GIT1: variants seen among roughly 807,000 people sequenced by gnomAD.
GIT1 encodes ARF GTPase-activating protein GIT1.
A neutral mutation model predicts 91.7 loss-of-function variants in GIT1; 14 were observed. The observed-to-expected ratio is 0.15, with a 90% CI of 0.10 to 0.24. The LOEUF is 0.24. GIT1 is among the 10% of genes least tolerant of loss of function. The pLI is 1.00. For missense variants in GIT1, 717 were observed against 1,024.9 expected (o/e 0.70, Z 4.10); for synonymous variants, 414 against 418.2 (o/e 0.99, Z 0.12).
intron 8 of GIT1, 98 bp from the exon 9 acceptor site, chr17:29,578,469 C>G (rs915160796): frequency 9.1e-7 from 1 of 1,099,768 alleles, no homozygotes; most frequent in African/African-American, 1.5e-5. Context: ...AACCGGTGGC[C>G]TTCCTTGTGC....
chr17:29,575,247 A>G lies in GIT1; in HGVS notation c.2009+41T>C, dbSNP rs145908069. ...GCTCTCTGCAACACCCTAGAAGCCA[A>G]CAGGAACTGCATCCCCCTCACCTCC... is the stretch of plus-strand genomic sequence containing the variant. On this transcript the variant is annotated intron_variant, in intron 18 of 19. Transcript: ENST00000225394. The surrounding 1 kb of genome is among the most constrained non-coding windows in gnomAD (Gnocchi z 5.5). 2.5e-4 allele frequency: 389 copies of G among 1,584,602 alleles called. 3 individuals carry two copies. The African/African-American group carries it at 4.6e-3, about 19-fold the overall frequency.
At chr17:29,584,719 C>T (rs753149571) in intron 1 of GIT1, among the ~76,000 whole-genome samples, 4 of 152,176 alleles carry the variant, frequency 2.6e-5, no homozygotes, top group Non-Finnish European at 2.9e-5. Flanking sequence ...TGCCCTGTAG[C>T]GCTCAGGGTG....
rs1435876831 is a variant in GIT1, at chr17:29,575,040, A to G, written c.2073+39T>C. On this transcript the variant is annotated intron_variant, in intron 19 of 19. Coordinates refer to ENST00000225394, the MANE Select transcript of GIT1 (RefSeq NM_014030.4). The surrounding 1 kb of genome is among the most constrained non-coding windows in gnomAD (Gnocchi z 5.5). ...GATTCTCCACGCCTGCCCCAGCTCG[A>G]GGCCCTCCCACTCCTGGTCCTCTCT... 22 of 1,525,592 alleles carry G rather than the reference A, an allele frequency of 1.4e-5. No homozygotes were observed. The highest frequency in any genetic ancestry group is 1.8e-5 in the Non-Finnish European group (20 of 1,118,792). 94.5% of individuals were successfully genotyped at this position (1,525,592 alleles called of 1,614,324 possible). A position where few individuals can be genotyped will look rare whatever the true frequency, so the allele number is the denominator to read the frequency against.
rs201521794 is a variant in GIT1, at chr17:29,578,406, G to A, written c.811-35C>T. 4,141 of 1,597,616 alleles carry A rather than the reference G, an allele frequency of 2.6e-3. 10 individuals are homozygous for A. The highest frequency in any genetic ancestry group is 3.3e-3 in the Non-Finnish European group (3,816 of 1,164,994). ...GAGAGGGGCCCAGATGTTGTCAGAT[G>A]CATCGGCTCCCAGTGCCAAGGCCAG... On this transcript the variant is annotated intron_variant, in intron 8 of 19. Transcript: ENST00000225394.
chr17:29,574,083 A>G lies in GIT1; in HGVS notation c.*619T>C, dbSNP rs1263296803. The G allele has an allele frequency of 6.6e-6, 1 of 152,362 alleles. No individual in the cohort carries two copies. Among genetic ancestry groups the G allele is most frequent in the Non-Finnish European group, 1.5e-5 (1 of 68,192 alleles). The allele number at this position is 152,362 out of a possible 1,614,324, so 9.4% of individuals were successfully genotyped here. On this transcript the variant is annotated 3_prime_UTR_variant, in exon 20 of 20. Coordinates refer to ENST00000225394, the MANE Select transcript of GIT1 (RefSeq NM_014030.4). ...ACTCAACACGCAGGCACGCGGGGGC[A>G]CTCAGTTACCACAAAGTTAAAATTA...
chr17:29,586,602 A>G (rs2150854227), intron 1 of GIT1, among the ~76,000 whole-genome samples: 1 of 152,326 alleles, frequency 6.6e-6, no homozygotes, highest in East Asian at 1.9e-4. Context: ...CACTATGAAG[A>G]GACAAATCAG....
rs1165715579 is a variant in GIT1 at position 29,589,390 on chromosome 17, A to G, written c.-12T>C. On this transcript the variant is annotated 5_prime_UTR_variant, in exon 1 of 20. Coordinates refer to ENST00000225394, the MANE Select transcript of GIT1 (RefSeq NM_014030.4). The surrounding 1 kb of genome is among the most constrained non-coding windows in gnomAD (Gnocchi z 5.2). ...CCCTTTCGGGACATCCTCAGCGGCGACGCGGCCGCAGCCCTCTGGGCCAGC... is the reference window on the plus strand; with the variant it reads ...CCCTTTCGGGACATCCTCAGCGGCGGCGCGGCCGCAGCCCTCTGGGCCAGC... 1.9e-6 allele frequency: 2 copies of G among 1,046,492 alleles called. No homozygotes were observed. The allele number at this position is 1,046,492 out of a possible 1,614,324, so 64.8% of individuals were successfully genotyped here. A position where few individuals can be genotyped will look rare whatever the true frequency, so the allele number is the denominator to read the frequency against.
chr17:29,576,896 G>A lies in GIT1; in HGVS notation c.1194C>T (p.Arg398=), dbSNP rs1598566697. ...GGTTGCTCCGAGTGGCGCCGGTGCT[G>A]CGCAGGGGCTCCTGGTCTGTGTCCT... ...SDEDTDQEPL[R]STGATRSNRA... is the part of the protein sequence containing the mutation. Residue 398 remains arginine, a synonymous_variant, in exon 12 of 20, where the codon CGC becomes CGT. Coordinates refer to ENST00000225394, the MANE Select transcript of GIT1 (RefSeq NM_014030.4). 6.3e-7 allele frequency: 1 copy of A among 1,576,756 alleles called. No individual in the cohort carries two copies.
At chr17:29,578,976 C>T (rs2033308792) in intron 7 of GIT1, 197 bp from the exon 8 acceptor site, 1 of 1,613,992 alleles carries the variant, frequency 6.2e-7, no homozygotes, top group African/African-American at 1.3e-5. Context: ...GAGACATGCA[C>T]TTTTGCCGAG....
At position 29,581,068 on chromosome 17, in the gene GIT1, C is replaced by T. The variant is rs563438472; in HGVS notation, c.761+270G>A. On this transcript the variant is annotated intron_variant, in intron 7 of 19. Transcript: ENST00000225394. This position sits in a 1 kb window ranked among gnomAD's most constrained non-coding sequence, Gnocchi z 4.8. ...TGCTGGGATTACAGGCGTGAGCCACCGCGCCCGGCCCACAGGTAGCTTCTC... is the reference window on the plus strand; with the variant it reads ...TGCTGGGATTACAGGCGTGAGCCACTGCGCCCGGCCCACAGGTAGCTTCTC... 40 of 510,606 alleles carry T rather than the reference C, an allele frequency of 7.8e-5. 1 individual carries two copies. Among genetic ancestry groups the T allele is most frequent in the Non-Finnish European group, 9.6e-5 (27 of 281,080 alleles). 31.6% of individuals were successfully genotyped at this position (510,606 alleles called of 1,614,324 possible).
Position 29,575,562 on chromosome 17 carries a change from T to G in GIT1, c.1826+68A>C. ...GCCGCCCGCCTTGGTCCTCACACAC[T>G]GGGGGCCCTCTCAACCTCCCCGCCT... is the stretch of plus-strand genomic sequence containing the variant. On this transcript the variant is annotated intron_variant, in intron 17 of 19. Coordinates refer to ENST00000225394, the MANE Select transcript of GIT1 (RefSeq NM_014030.4). The surrounding 1 kb of genome is among the most constrained non-coding windows in gnomAD (Gnocchi z 5.5). 1 of 1,566,470 alleles carries G rather than the reference T, an allele frequency of 6.4e-7. No homozygotes were observed. The highest frequency in any genetic ancestry group is 8.7e-7 in the Non-Finnish European group (1 of 1,144,922).
intron 1 of GIT1, among the ~76,000 whole-genome samples, chr17:29,587,790 A>T (rs544836797): frequency 6.6e-6 from 1 of 152,242 alleles, no homozygotes; most frequent in Admixed American, 6.5e-5. Flanking sequence ...GGCAACACTA[A>T]GCCCCAGACT....
Position 29,580,181 on chromosome 17 carries a change from T to C in GIT1, c.761+1157A>G, listed in dbSNP as rs146687671. On this transcript the variant is annotated intron_variant, in intron 7 of 19. Coordinates refer to ENST00000225394, the MANE Select transcript of GIT1 (RefSeq NM_014030.4). ...AGGGATTGTGTCTCAGCTGCCTCTG[T>C]GCTCCCAGTGCCAAGAGCAGTAGCT... Among the ~76,000 whole-genome samples the C allele has an allele frequency of 5.6e-4, 86 of 152,346 alleles. 1 individual carries two copies. Among genetic ancestry groups the C allele is most frequent in the African/African-American group, 2.0e-3 (83 of 41,582 alleles).
chr17:29,589,362 G>C lies in GIT1; in HGVS notation c.17C>G (p.Pro6Arg). Residue 6 changes from proline to arginine, a missense_variant, in exon 1 of 20, where the codon CCG becomes CGG. By Grantham distance (103) the Pro-to-Arg change is moderately radical. Around this residue, in one of 3 missense-constraint regions of GIT1, gnomAD observed 271 missense variants for 451.6 expected, o/e 0.60. Coordinates refer to ENST00000225394, the MANE Select transcript of GIT1 (RefSeq NM_014030.4). The surrounding 1 kb of genome is among the most constrained non-coding windows in gnomAD (Gnocchi z 5.2). The stretch of plus-strand genomic sequence containing the variant: ...GCAGTCCGCACACACCTCCGCTCGC[G>C]GCCCCTTTCGGGACATCCTCAGCGG... MSRKGPRAEVCADCSA... is the reference protein window; with the variant it reads MSRKGRRAEVCADCSA... 9.2e-7 allele frequency: 1 copy of C among 1,086,022 alleles called. No homozygotes were observed. Among genetic ancestry groups the C allele is most frequent in the Non-Finnish European group, 1.1e-6 (1 of 883,884 alleles). The allele number at this position is 1,086,022 out of a possible 1,614,324, so 67.3% of individuals were successfully genotyped here.
chr17:29,578,278 C>G, intron 9 of GIT1, 21 bp downstream of exon 9: 1 of 1,602,820 alleles, frequency 6.2e-7, no homozygotes, highest in Non-Finnish European at 8.5e-7. Context: ...CCACGCCAGA[C>G]ACTCCTGCTC....
Position 29,582,794 on chromosome 17 carries a change from C to T in GIT1, c.309G>A (p.Lys103=). The T allele has an allele frequency of 6.2e-7, 1 of 1,613,052 alleles. No homozygotes were observed. The highest frequency in any genetic ancestry group is 8.5e-7 in the Non-Finnish European group (1 of 1,179,444). Residue 103 remains lysine (K), a synonymous_variant, in exon 4 of 20, where the codon AAG becomes AAA. Transcript: ENST00000225394. ...ANPQDKVHPI[K]SEFIRAKYQM... The stretch of plus-strand genomic sequence containing the variant: ...GGTACTTGGCCCTGATGAACTCTGA[C>T]TTGATGGGGCTGCATGGGGCACACA...
rs1413089477 is a variant in GIT1 at position 29,574,356 on chromosome 17, C to CT, written c.*345dup. On this transcript the variant is annotated 3_prime_UTR_variant, in exon 20 of 20. Transcript: ENST00000225394. ...GGGGGTGGGGCGCATGTACGGAGAGCTGCCCCACTTGGAGTGTCCCCACCT... is the reference window on the plus strand; with the variant it reads ...GGGGGTGGGGCGCATGTACGGAGAGCTTGCCCCACTTGGAGTGTCCCCACCT... The CT allele has an allele frequency of 3.1e-6, 1 of 324,272 alleles. No homozygotes were observed. Among genetic ancestry groups the CT allele is most frequent in the African/African-American group, 2.1e-5 (1 of 46,824 alleles). The allele number at this position is 324,272 out of a possible 1,614,324, so 20.1% of individuals were successfully genotyped here. A position where few individuals can be genotyped will look rare whatever the true frequency, so the allele number is the denominator to read the frequency against.
rs2033455508 is a variant in GIT1, at chr17:29,582,999, G to A, written c.225C>T (p.Ile75=). 1.9e-6 allele frequency: 3 copies of A among 1,611,998 alleles called. No individual in the cohort carries two copies. The highest frequency in any genetic ancestry group is 4.5e-5 in the East Asian group (2 of 44,886). The change falls in exon 3 of 20, where the codon ATC becomes ATT. Residue 75 remains isoleucine, a synonymous_variant. Transcript: ENST00000225394. ...HTLASNGANS[I]WEHSLLDPAQ... Reference sequence around the variant, plus strand: ...CGGGGTCCAGCAGGGAGTGCTCCCAGATGGAGTTGGCCCCGTTGCTGGCAA... The same window carrying A: ...CGGGGTCCAGCAGGGAGTGCTCCCAAATGGAGTTGGCCCCGTTGCTGGCAA...
chr17:29,577,807 G>T, intron 9 of GIT1, 65 bp from the exon 10 acceptor site: 3 of 975,242 alleles, frequency 3.1e-6, no homozygotes, highest in Non-Finnish European at 5.0e-6. Flanking sequence ...GGGTGGGGAA[G>T]CACTGAGCCC....
Sources: allele counts gnomAD v4.1 joint callset (sites outside exome capture counted in the v4.1 genomes callset), GRCh38; gene constraint gnomAD v4.1.1; regional missense constraint gnomAD v4.1.1; non-coding constraint Gnocchi (gnomAD v3.1); transcripts MANE v1.5; gene names NCBI Gene and HGNC (gene_info 2026-07-23, HGNC 2026-07-21).